The following PLCG2 variants were observed in gnomAD, a reference collection of about 807,000 sequenced individuals.
PLCG2 encodes the protein phospholipase C gamma 2.
In PLCG2, 69 loss-of-function variants were observed where a neutral mutation model predicts 175.6. The ratio of observed to expected loss-of-function variants is 0.39; its 90% confidence interval spans 0.32 to 0.48. PLCG2 has a LOEUF of 0.48. Ranked by LOEUF, PLCG2 falls within the 20% of genes least tolerant of loss-of-function variation. PLCG2 has a pLI of 0.91. For missense variants in PLCG2, 1,798 were observed against 1,650.9 expected (o/e 1.09, Z -1.54); for synonymous variants, 827 against 624.0 (o/e 1.33, Z -4.85).
intron 2 of PLCG2, among the ~76,000 whole-genome samples, chr16:81,824,669 G>T (rs2143352757): frequency 6.6e-6 from 1 of 152,326 alleles, no homozygotes; most frequent in African/African-American, 2.4e-5. Context: ...GCAACACTGA[G>T]GCCAGGATGG....
Position 81,958,222 on chromosome 16 carries a change from C to T in PLCG2, c.*224C>T. 1.8e-6 allele frequency: 1 copy of T among 544,588 alleles called. No individual in the cohort carries two copies. Among genetic ancestry groups the T allele is most frequent in the East Asian group, 3.0e-5 (1 of 33,746 alleles). The allele number at this position is 544,588 out of a possible 1,614,324, so 33.7% of individuals were successfully genotyped here. A position where few individuals can be genotyped will look rare whatever the true frequency, so the allele number is the denominator to read the frequency against. On this transcript the variant is annotated 3_prime_UTR_variant, in exon 33 of 33. Transcript: ENST00000564138. ...TAACTTATATTCTTTATAGAGGATT[C>T]CCCAAAATGTGCTCCTCATTTTTGG...
At chr16:81,937,219 A>G (rs1272376491) in intron 27 of PLCG2, 1 of 152,348 alleles carries the variant, frequency 6.6e-6, no homozygotes, top group Admixed American at 6.5e-5. Flanking sequence ...TTTTGGTATG[A>G]CTTCGCTGAG....
intron 3 of PLCG2, 101 bp from the exon 4 acceptor site, chr16:81,858,162 T>C (rs1906778926): frequency 1.2e-6 from 1 of 837,376 alleles, no homozygotes; most frequent in Non-Finnish European, 2.1e-6. Context: ...GAAACCAGCA[T>C]AGGCTTCTCC....
intron 2 of PLCG2, among the ~76,000 whole-genome samples, chr16:81,770,983 G>A (rs898385906): frequency 6.6e-6 from 1 of 151,680 alleles, no homozygotes; most frequent in Non-Finnish European, 1.5e-5. Flanking sequence ...GTGTGAACCC[G>A]GGAGGTGGAG....
At chr16:81,779,593 G>A (rs1299303055) in intron 1 of PLCG2, among the ~76,000 whole-genome samples, 169 bp downstream of exon 1, 1 of 152,014 alleles carries the variant, frequency 6.6e-6, no homozygotes, top group Non-Finnish European at 1.5e-5. Flanking sequence ...CCCGGGGTCC[G>A]TTTGGTGACG....
intron 2 of PLCG2, among the ~76,000 whole-genome samples, chr16:81,834,942 C>G (rs1905436657): frequency 6.6e-6 from 1 of 152,148 alleles, no homozygotes; most frequent in Non-Finnish European, 1.5e-5. Flanking sequence ...AGTGCCAAGT[C>G]CTTGCTGTAA....
chr16:81,886,171 G>A (rs115853660), intron 9 of PLCG2, among the ~76,000 whole-genome samples: 1,636 of 152,316 alleles, frequency 0.011, 34 homozygotes, highest in African/African-American at 0.038. Flanking sequence ...AGACTGGGGC[G>A]TGTAGATTTA....
At chr16:81,776,083 C>CTTTCTTTCTTTCTTTCTTGCTTTCTT, upstream of PLCG2, among the ~76,000 whole-genome samples, 1 of 81,848 alleles carries the variant, frequency 1.2e-5, no homozygotes, top group Admixed American at 1.2e-4. Context: ...TTCTCTCTCT[C>CTTTCTTTCTTTCTTTCTTGCTTTCTT]TCTCTCTTTC....
At chr16:81,749,080 AG>A (rs1403628878) in intron 1 of PLCG2, among the ~76,000 whole-genome samples, 3 of 151,994 alleles carry the variant, frequency 2.0e-5, no homozygotes, top group Non-Finnish European at 4.4e-5. Flanking sequence ...GACTTTCACA[AG>A]GGGGCCCCTC....
chr16:81,909,675 A>C (rs906003542), intron 17 of PLCG2, among the ~76,000 whole-genome samples: 4 of 152,116 alleles, frequency 2.6e-5, no homozygotes, highest in African/African-American at 9.7e-5. Context: ...CGGCCTCCTG[A>C]AGTGCTAGGA....
chr16:81,780,999 C>T (rs1239158347), intron 1 of PLCG2, among the ~76,000 whole-genome samples: 1 of 151,898 alleles, frequency 6.6e-6, no homozygotes, highest in Non-Finnish European at 1.5e-5. Context: ...TGCACTCCAG[C>T]CTGGGTGACA....
At chr16:81,903,401 A>G (rs773519674) in intron 14 of PLCG2, among the ~76,000 whole-genome samples, 7 of 152,240 alleles carry the variant, frequency 4.6e-5, no homozygotes, top group Non-Finnish European at 7.3e-5. Context: ...TGGTGCCCCC[A>G]TGGGTAAGAG....
At chr16:81,950,088 T>C (rs1911308255) in intron 31 of PLCG2, among the ~76,000 whole-genome samples, 1 of 152,112 alleles carries the variant, frequency 6.6e-6, no homozygotes, top group African/African-American at 2.4e-5. Context: ...AGAATCAGAA[T>C]AAGTTAAAGC....
intron 5 of PLCG2, 130 bp downstream of exon 5, chr16:81,859,293 A>T: frequency 1.6e-6 from 1 of 638,646 alleles, no homozygotes; most frequent in Non-Finnish European, 2.9e-6. Flanking sequence ...TGATCTGCGG[A>T]TGCCATGTTG....
chr16:81,778,039 A>ACAAAC (rs777309038), upstream of PLCG2, among the ~76,000 whole-genome samples: 6 of 80,428 alleles, frequency 7.5e-5, no homozygotes, highest in South Asian at 1.1e-3. Flanking sequence ...AAACAAAAAA[A>ACAAAC]AAACAAAAAA....
intron 7 of PLCG2, among the ~76,000 whole-genome samples, chr16:81,878,617 C>T (rs755457340): frequency 6.6e-6 from 1 of 152,166 alleles, no homozygotes; most frequent in Admixed American, 6.5e-5. Context: ...AGTCTATTCC[C>T]GTCTTGTTTC....
chr16:81,932,004 C>T (rs973076183), intron 25 of PLCG2, among the ~76,000 whole-genome samples: 4 of 152,208 alleles, frequency 2.6e-5, no homozygotes, highest in African/African-American at 9.6e-5. Flanking sequence ...TCATATAAAG[C>T]AGTCTGGATC....
At chr16:81,824,258 C>T (rs1904946340) in intron 2 of PLCG2, among the ~76,000 whole-genome samples, 1 of 151,922 alleles carries the variant, frequency 6.6e-6, no homozygotes, top group South Asian at 2.1e-4. Flanking sequence ...CTCAGCCTCC[C>T]AAGTAACTAG....
chr16:81,882,884 C>A (rs568911865), intron 8 of PLCG2, among the ~76,000 whole-genome samples: 1 of 152,222 alleles, frequency 6.6e-6, no homozygotes, highest in Admixed American at 6.5e-5. Context: ...GCCTTCTCAG[C>A]CATTCCCACT....
Sources: allele counts gnomAD v4.1 joint callset (sites outside exome capture counted in the v4.1 genomes callset), GRCh38; gene constraint gnomAD v4.1.1; transcripts MANE v1.5; gene names NCBI Gene and HGNC (gene_info 2026-07-23, HGNC 2026-07-21).